The following FAM178B variants were observed in gnomAD, a reference collection of about 807,000 sequenced individuals.
FAM178B encodes the protein protein FAM178B.
A neutral mutation model predicts 91.7 loss-of-function variants in FAM178B; 82 were observed. That is an observed-to-expected ratio of 0.89 (90% CI 0.75 to 1.07). The LOEUF (loss-of-function observed/expected upper bound fraction) is 1.07, where lower values mean the gene tolerates loss of function less well. Ranked by LOEUF, FAM178B falls within the 50% of genes least tolerant of loss-of-function variation. FAM178B has a pLI of 0.00. For missense variants in FAM178B, 769 were observed against 846.7 expected (o/e 0.91, Z 1.14); for synonymous variants, 368 against 359.4 (o/e 1.02, Z -0.27).
intron 1 of FAM178B, among the ~76,000 whole-genome samples, chr2:96,981,401 T>C (rs1032144062): frequency 6.6e-6 from 1 of 152,202 alleles, no homozygotes; most frequent in Non-Finnish European, 1.5e-5. Flanking sequence ...ACTCTATTAA[T>C]GGTATATTTC....
At chr2:96,908,659 A>ATTCT (rs1395841654) in intron 12 of FAM178B, among the ~76,000 whole-genome samples, 1 of 152,222 alleles carries the variant, frequency 6.6e-6, no homozygotes, top group Non-Finnish European at 1.5e-5. Context: ...AGCGGCAGAC[A>ATTCT]TTCTGTCCCA....
Position 96,972,410 on chromosome 2 carries a change from T to C in FAM178B, c.143-88A>G, listed in dbSNP as rs1320367856. 4.1e-6 allele frequency: 6 copies of C among 1,477,028 alleles called. No individual in the cohort carries two copies. The African/African-American group carries it at 8.4e-5, about 21-fold the overall frequency. 91.5% of individuals were successfully genotyped at this position (1,477,028 alleles called of 1,614,324 possible). A position where few individuals can be genotyped will look rare whatever the true frequency, so the allele number is the denominator to read the frequency against. ...CACACTGGGTAAGGAGAGCAGCAAA[T>C]GGGTGAGAGAACAACTTGGGGTTGC... On this transcript the variant is annotated intron_variant, in intron 2 of 16. Coordinates refer to ENST00000490605, the MANE Select transcript of FAM178B (RefSeq NM_001122646.3).
At chr2:96,959,238 A>G (rs1209097340) in intron 6 of FAM178B, among the ~76,000 whole-genome samples, 1 of 150,714 alleles carries the variant, frequency 6.6e-6, no homozygotes, top group Non-Finnish European at 1.5e-5. Context: ...TAATCCTGCA[A>G]TAATGGTGTT....
At chr2:96,982,428 A>G (rs1487993264) in intron 1 of FAM178B, among the ~76,000 whole-genome samples, 2 of 151,694 alleles carry the variant, frequency 1.3e-5, no homozygotes, top group Non-Finnish European at 2.9e-5. Flanking sequence ...ATGCCTGGTT[A>G]ATTTTTGTAT....
intron 13 of FAM178B, among the ~76,000 whole-genome samples, chr2:96,897,221 A>G (rs2080841779): frequency 6.6e-6 from 1 of 152,146 alleles, no homozygotes; most frequent in South Asian, 2.1e-4. Flanking sequence ...CCTGGAATGT[A>G]AACTCTCTGA....
chr2:96,923,345 T>C (rs1412443273), intron 10 of FAM178B, 145 bp downstream of exon 10: 4 of 651,418 alleles, frequency 6.1e-6, no homozygotes, highest in Non-Finnish European at 5.5e-6. Context: ...ACAGTTTCTG[T>C]AGCATCCGGC....
intron 12 of FAM178B, among the ~76,000 whole-genome samples, chr2:96,906,385 A>G (rs2081056343): frequency 6.6e-6 from 1 of 151,944 alleles, no homozygotes. Context: ...TTTTTCTGGC[A>G]TAAGTTTATC....
chr2:96,985,134 T>C (rs577295156), intron 1 of FAM178B, among the ~76,000 whole-genome samples: 1 of 152,306 alleles, frequency 6.6e-6, no homozygotes, highest in South Asian at 2.1e-4. Context: ...CTACAGTACG[T>C]GTCCTGACAG....
At chr2:96,899,290 A>G (rs1463168502) in intron 13 of FAM178B, among the ~76,000 whole-genome samples, 1 of 152,192 alleles carries the variant, frequency 6.6e-6, no homozygotes, top group East Asian at 1.9e-4. Flanking sequence ...CTGTGCCTGG[A>G]CAGAGTTAGT....
chr2:96,982,340 G>A (rs1278153520), intron 1 of FAM178B, among the ~76,000 whole-genome samples: 3 of 152,048 alleles, frequency 2.0e-5, no homozygotes. Flanking sequence ...TCTTGGCTCT[G>A]CAACTTCTGC....
At chr2:96,919,076 G>C (rs1345784980) in intron 12 of FAM178B, among the ~76,000 whole-genome samples, 1 of 152,196 alleles carries the variant, frequency 6.6e-6, no homozygotes, top group Non-Finnish European at 1.5e-5. Context: ...GCTCCCAGCT[G>C]AATAAAGCCC....
Position 96,971,840 on chromosome 2 carries a change from T to G in FAM178B, c.564+61A>C, listed in dbSNP as rs2082222486. ...AGGAGAGGGTGGCCTGGGGTGACTG[T>G]AAAAGGGTGGCTAAAGATGGGTAGC... is the stretch of plus-strand genomic sequence containing the variant. On this transcript the variant is annotated intron_variant, in intron 3 of 16. Transcript: ENST00000490605. The G allele has an allele frequency of 2.7e-5, 38 of 1,426,688 alleles. No homozygotes were observed. The South Asian group carries it at 5.2e-4, about 20-fold the overall frequency. 88.4% of individuals were successfully genotyped at this position (1,426,688 alleles called of 1,614,324 possible).
chr2:96,890,274 G>A (rs1418338785), intron 14 of FAM178B, among the ~76,000 whole-genome samples: 8 of 151,968 alleles, frequency 5.3e-5, no homozygotes, highest in African/African-American at 9.7e-5. Flanking sequence ...GCAAGACTCC[G>A]TCTCAATCAA....
At position 96,913,527 on chromosome 2, in the gene FAM178B, C is replaced by T. The variant is rs150797442; in HGVS notation, c.1562+7638G>A. Among the ~76,000 whole-genome samples, 296 of 152,258 alleles carry T rather than the reference C, an allele frequency of 1.9e-3. 11 individuals carry two copies. In the East Asian group the frequency reaches 0.04, roughly 21 times the overall value. On this transcript the variant is annotated intron_variant, in intron 12 of 16. Transcript: ENST00000490605. ...GGAAGTGAACAAAATGGGAGGGAAA[C>T]GAGGGTTTCGAGGGAAGCCACGGTG...
At chr2:96,971,870 G>A in intron 3 of FAM178B, 31 bp downstream of exon 3, 1 of 1,448,786 alleles carries the variant, frequency 6.9e-7, no homozygotes, top group Non-Finnish European at 9.1e-7. Context: ...GGTAGCCAAG[G>A]AGAAGAGGCC....
chr2:96,923,490 C>G lies in FAM178B; in HGVS notation c.1287G>C (p.Lys429Asn). The G allele has an allele frequency of 6.4e-7, 1 of 1,551,200 alleles. No individual in the cohort carries two copies. Among genetic ancestry groups the G allele is most frequent in the Non-Finnish European group, 8.7e-7 (1 of 1,146,596 alleles). ...ALDISLGHIYKFLALCAQAQP... is the reference protein window; with the variant it reads ...ALDISLGHIYNFLALCAQAQP... The stretch of plus-strand genomic sequence containing the variant: ...GCATGAGGCAGGCGGCTTGACTCAC[C>G]TTGTAGATGTGGCCCAGGCTGATGT... Residue 429 changes from lysine (K) to asparagine (N), a missense_variant and splice_region_variant, in exon 10 of 17, where the codon AAG becomes AAC. By Grantham distance (94) the Lys-to-Asn change is moderately conservative (BLOSUM62 0). Coordinates refer to ENST00000490605, the MANE Select transcript of FAM178B (RefSeq NM_001122646.3).
rs1179058603 is a variant in FAM178B, at chr2:96,972,656, AG to A, written c.74-51del. ...AGGTGAACCTCCAGAAGAAAGCTAA[AG>A]GTTCTAAACCCCGTGATTCCCACAG... is the stretch of plus-strand genomic sequence containing the variant. On this transcript the variant is annotated intron_variant, in intron 1 of 16. Transcript: ENST00000490605. The A allele has an allele frequency of 2.0e-6, 3 of 1,516,944 alleles. No individual in the cohort carries two copies. In the African/African-American group the frequency reaches 4.1e-5, roughly 21 times the overall value. The allele number at this position is 1,516,944 out of a possible 1,614,324, so 94.0% of individuals were successfully genotyped here.
Position 96,947,843 on chromosome 2 carries a change from A to G in FAM178B, c.1053T>C (p.Ile351=), listed in dbSNP as rs2081856118. The G allele has an allele frequency of 6.5e-7, 1 of 1,547,424 alleles. No homozygotes were observed. The highest frequency in any genetic ancestry group is 1.4e-5 in the African/African-American group (1 of 72,996). ...CAGGCTGAAGGAAGATTCCATCCAC[A>G]ATGAGATCCCACAGAAGACCAAAGG... ...LGAFGLLWDL[I]VDGIFLQPDE... is the part of the protein sequence containing the mutation. The change falls in exon 8 of 17, where the codon ATT becomes ATC. Residue 351 remains isoleucine, a synonymous_variant. Transcript: ENST00000490605.
intron 12 of FAM178B, among the ~76,000 whole-genome samples, chr2:96,909,724 A>G (rs1461190891): frequency 6.6e-6 from 1 of 152,100 alleles, no homozygotes; most frequent in African/African-American, 2.4e-5. Context: ...TTAATTGTGC[A>G]GCTGGGCCTC....
Sources: allele counts gnomAD v4.1 joint callset (sites outside exome capture counted in the v4.1 genomes callset), GRCh38; gene constraint gnomAD v4.1.1; transcripts MANE v1.5; gene names NCBI Gene and HGNC (gene_info 2026-07-23, HGNC 2026-07-21).